The following ST6GALNAC3 variants were observed in gnomAD, a reference collection of about 807,000 sequenced individuals.
ST6GALNAC3 encodes the protein ST6 N-acetylgalactosaminide alpha-2,6-sialyltransferase 3.
A neutral mutation model predicts 32.7 loss-of-function variants in ST6GALNAC3; 25 were observed. That is an observed-to-expected ratio of 0.76 (90% confidence interval 0.56 to 1.07). The LOEUF is 1.07. ST6GALNAC3 is among the 50% of genes least tolerant of loss of function. The probability of loss-of-function intolerance (pLI) is 0.00; values close to 1 mark genes in which losing one functional copy is unlikely to be tolerated. For synonymous variants in ST6GALNAC3, 129 were observed against 133.1 expected (o/e 0.97, Z 0.21); for missense variants, 355 against 382.4 (o/e 0.93, Z 0.60).
intron 1 of ST6GALNAC3, among the ~76,000 whole-genome samples, chr1:76,129,436 G>T (rs932517330): frequency 4.3e-4 from 66 of 152,230 alleles, no homozygotes; most frequent in Middle Eastern, 3.4e-3. Flanking sequence ...TCTCCAGTGT[G>T]GATTTCAGTG....
At position 76,209,883 on chromosome 1, in the gene ST6GALNAC3, TTGGCTCC is replaced by T. The variant is rs754770740; in HGVS notation, c.19-103916_19-103910del. 8.0e-4 allele frequency among the ~76,000 whole-genome samples: 122 copies of T among 152,250 alleles called. 1 individual carries two copies. Among genetic ancestry groups the T allele is most frequent in the Middle Eastern group, 6.8e-3 (2 of 294 alleles). On this transcript the variant is annotated intron_variant, in intron 1 of 4. Coordinates refer to ENST00000328299, the MANE Select transcript of ST6GALNAC3 (RefSeq NM_152996.4). ...CTAGAGGATTATCTTGGGGTTTATT[TTGGCTCC>T]TGGCTTTGAATCTGAATTGCTGCCC...
At chr1:76,190,865 G>C (rs893988262) in intron 1 of ST6GALNAC3, among the ~76,000 whole-genome samples, 1 of 152,112 alleles carries the variant, frequency 6.6e-6, no homozygotes, top group Admixed American at 6.6e-5. Context: ...TTAAAAATTG[G>C]TATTGGTTCT....
chr1:76,525,797 A>G (rs12134233), intron 3 of ST6GALNAC3, among the ~76,000 whole-genome samples: 923 of 54,406 alleles, frequency 0.017, 13 homozygotes, highest in African/African-American at 0.026. Context: ...GTGTGTATAT[A>G]TATATATATA....
chr1:76,136,280 T>C (rs1007086468), intron 1 of ST6GALNAC3, among the ~76,000 whole-genome samples: 4 of 152,234 alleles, frequency 2.6e-5, no homozygotes, highest in African/African-American at 9.6e-5. Context: ...GAGGCAAATG[T>C]TCTACAAAAT....
At chr1:76,343,126 T>C (rs946142705) in intron 2 of ST6GALNAC3, among the ~76,000 whole-genome samples, 1 of 152,178 alleles carries the variant, frequency 6.6e-6, no homozygotes, top group Admixed American at 6.6e-5. Flanking sequence ...GCTTTGGGGA[T>C]CTTCATCATA....
chr1:76,494,447 A>G (rs1460795380), intron 3 of ST6GALNAC3, among the ~76,000 whole-genome samples: 6 of 81,548 alleles, frequency 7.4e-5, no homozygotes, highest in South Asian at 1.2e-3. Context: ...ATATATATAT[A>G]TATATATATA....
rs184764391 is a variant in ST6GALNAC3, at chr1:76,541,805, T to C, written c.624-85647T>C. ...TTTCTGAGGTGTCCCCATCATCTCG[T>C]CACACCTGTTGCAGAATGCCACAGG... On this transcript the variant is annotated intron_variant, in intron 3 of 4. Transcript: ENST00000328299. 1.2e-4 allele frequency among the ~76,000 whole-genome samples: 19 copies of C among 152,286 alleles called. No individual in the cohort carries two copies. In the East Asian group the frequency reaches 3.5e-3, roughly 28 times the overall value.
intron 2 of ST6GALNAC3, among the ~76,000 whole-genome samples, chr1:76,410,489 T>C (rs1220910458): frequency 6.6e-6 from 1 of 152,042 alleles, no homozygotes; most frequent in Non-Finnish European, 1.5e-5. Flanking sequence ...TTTCCTGCTT[T>C]AATTTTCTCG....
rs962841086 is a variant in ST6GALNAC3 at position 76,579,721 on chromosome 1, C to A, written c.624-47731C>A. Among the ~76,000 whole-genome samples, 3 of 152,006 alleles carry A rather than the reference C, an allele frequency of 2.0e-5. No homozygotes were observed. The East Asian group carries it at 5.8e-4, about 29-fold the overall frequency. The stretch of plus-strand genomic sequence containing the variant: ...CTAGTTTTTGCTGATTGCATCCCCA[C>A]GATATAGCTTAATATGTTCTTTGGT... On this transcript the variant is annotated intron_variant, in intron 3 of 4. Coordinates refer to ENST00000328299, the MANE Select transcript of ST6GALNAC3 (RefSeq NM_152996.4).
chr1:76,499,266 C>G (rs879263437), intron 3 of ST6GALNAC3, among the ~76,000 whole-genome samples: 1 of 152,056 alleles, frequency 6.6e-6, no homozygotes, highest in African/African-American at 2.4e-5. Flanking sequence ...ACAGCTTTTC[C>G]GGAAGGGAAT....
At chr1:76,620,999 A>T (rs1169574469) in intron 3 of ST6GALNAC3, among the ~76,000 whole-genome samples, 1 of 152,078 alleles carries the variant, frequency 6.6e-6, no homozygotes, top group Non-Finnish European at 1.5e-5. Context: ...TGAATGAACA[A>T]AGAAATTTTT....
chr1:76,167,027 C>G (rs1319460777), intron 1 of ST6GALNAC3, among the ~76,000 whole-genome samples: 1 of 150,482 alleles, frequency 6.6e-6, no homozygotes, highest in Non-Finnish European at 1.5e-5. Flanking sequence ...TGGCCAGGAC[C>G]CAATACTGTT....
At chr1:76,499,668 T>A (rs1661065024) in intron 3 of ST6GALNAC3, among the ~76,000 whole-genome samples, 1 of 152,142 alleles carries the variant, frequency 6.6e-6, no homozygotes, top group Admixed American at 6.6e-5. Context: ...TTTTGACTAC[T>A]ACTTATAATT....
At chr1:76,542,578 T>C (rs1664055366) in intron 3 of ST6GALNAC3, among the ~76,000 whole-genome samples, 1 of 152,166 alleles carries the variant, frequency 6.6e-6, no homozygotes. Context: ...ACACACTTGC[T>C]TCTCTCATCA....
intron 1 of ST6GALNAC3, among the ~76,000 whole-genome samples, chr1:76,097,150 C>T (rs940014635): frequency 1.3e-5 from 2 of 152,188 alleles, no homozygotes; most frequent in Admixed American, 1.3e-4. Flanking sequence ...AACTACTGAC[C>T]TCAGGTGACC....
chr1:76,205,601 A>G (rs534986573), intron 1 of ST6GALNAC3, among the ~76,000 whole-genome samples: 1 of 152,188 alleles, frequency 6.6e-6, no homozygotes, highest in African/African-American at 2.4e-5. Context: ...GAAAGTTAGC[A>G]TGCAGTTATG....
chr1:76,270,216 T>C (rs913415155), intron 1 of ST6GALNAC3, among the ~76,000 whole-genome samples: 1 of 152,196 alleles, frequency 6.6e-6, no homozygotes, highest in Non-Finnish European at 1.5e-5. Context: ...AAATGAAAAG[T>C]TGGCAACTGG....
In ST6GALNAC3 at chr1:76,445,563, C is replaced by T. The variant is rs538320353; in HGVS notation, c.623+33146C>T. Among the ~76,000 whole-genome samples, 36 of 152,190 alleles carry T rather than the reference C, an allele frequency of 2.4e-4. No individual in the cohort carries two copies. In the South Asian group the frequency reaches 5.2e-3, roughly 22 times the overall value. ...ATGGGTGTGCATTACACAAACAGAA[C>T]GAAACAATATGTACTATTGTGACAT... On this transcript the variant is annotated intron_variant, in intron 3 of 4. Transcript: ENST00000328299.
At chr1:76,390,977 TCGCCCAGGCTAGAG>T (rs1652494575) in intron 2 of ST6GALNAC3, among the ~76,000 whole-genome samples, 1 of 139,386 alleles carries the variant, frequency 7.2e-6, no homozygotes, top group Non-Finnish European at 1.6e-5. Context: ...TCTCGCACTG[TCGCCCAGGCTAGAG>T]TGCAGTGGCA....
Sources: allele counts gnomAD v4.1 joint callset (sites outside exome capture counted in the v4.1 genomes callset), GRCh38; gene constraint gnomAD v4.1.1; transcripts MANE v1.5; gene names NCBI Gene and HGNC (gene_info 2026-07-23, HGNC 2026-07-21).